Variants in MYO18A observed in about 807,000 individuals in gnomAD.
The protein encoded by MYO18A is myosin XVIIIA.
MYO18A carries 78 observed loss-of-function variants against 235.8 expected under a neutral mutation model. The observed-to-expected ratio is 0.33, with a 90% confidence interval of 0.28 to 0.40. The LOEUF is 0.40. MYO18A is among the 10% of genes least tolerant of loss of function. The pLI is 1.00. For synonymous variants in MYO18A, 977 were observed against 1,077.8 expected (o/e 0.91, Z 1.83); for missense variants, 2,215 against 2,699.3 (o/e 0.82, Z 3.98).
At chr17:29,154,763 T>C (rs955844901) in intron 2 of MYO18A, among the ~76,000 whole-genome samples, 2 of 152,200 alleles carry the variant, frequency 1.3e-5, no homozygotes, top group Non-Finnish European at 2.9e-5. Context: ...TCCCACAGCC[T>C]GGACAGCTCT....
chr17:29,128,255 G>A (rs1003097896), intron 2 of MYO18A: 8 of 1,169,050 alleles, frequency 6.8e-6, no homozygotes, highest in East Asian at 7.4e-5. Flanking sequence ...CTTGCTTCGA[G>A]TCGGGTGCTC....
At chr17:29,099,090 C>T (rs375236807) in intron 22 of MYO18A, 121 bp from the exon 23 acceptor site, 174 of 1,243,308 alleles carry the variant, frequency 1.4e-4, no homozygotes, top group South Asian at 8.7e-4. Context: ...CCCCTGACCC[C>T]GAGTCAGATA....
At chr17:29,150,118 C>G (rs759163391) in intron 2 of MYO18A, among the ~76,000 whole-genome samples, 2 of 152,226 alleles carry the variant, frequency 1.3e-5, no homozygotes, top group Non-Finnish European at 2.9e-5. Context: ...AGAAGTTCTT[C>G]TAGACAAGCC....
chr17:29,140,195 G>C lies in MYO18A; in HGVS notation c.1000-17942C>G. The C allele has an allele frequency of 2.4e-6, 1 of 411,518 alleles. No individual in the cohort carries two copies. The highest frequency in any genetic ancestry group is 3.8e-6 in the Non-Finnish European group (1 of 261,498). The allele number at this position is 411,518 out of a possible 1,614,324, so 25.5% of individuals were successfully genotyped here. On this transcript the variant is annotated intron_variant, in intron 2 of 41. Coordinates refer to ENST00000527372, the MANE Select transcript of MYO18A (RefSeq NM_078471.4). This position sits in a 1 kb window ranked among gnomAD's most constrained non-coding sequence, Gnocchi z 4.2. ...CCCTTCTTACCAAGAAGCTCGGAGA[G>C]GAGCCCCAAGGCTGCCCCACCCCTC...
Position 29,165,985 on chromosome 17 carries a change from C to G in MYO18A, c.956G>C (p.Ser319Thr). The change falls in exon 2 of 42, where the codon AGC (serine) becomes ACC (threonine). Residue 319 changes from serine (S) to threonine (T), a missense_variant. Physicochemically the swap from Ser to Thr is moderately conservative, Grantham distance 58. Coordinates refer to ENST00000527372, the MANE Select transcript of MYO18A (RefSeq NM_078471.4). ...AGGTCCCTCGCCGCTCCGCAGCCAG[C>G]TCCTGCTGAGCTCGCTGAGCTCTGG... ...PIPELSELSR[S>T]WLRSGEGPRR... 3.1e-6 allele frequency: 5 copies of G among 1,613,580 alleles called. No homozygotes were observed. Among genetic ancestry groups the G allele is most frequent in the Non-Finnish European group, 4.2e-6 (5 of 1,179,888 alleles).
At position 29,111,344 on chromosome 17, in the gene MYO18A, A is replaced by G. The variant is rs965299458; in HGVS notation, c.2900+80T>C. 9 of 1,512,274 alleles carry G rather than the reference A, an allele frequency of 6.0e-6. No individual in the cohort carries two copies. Among genetic ancestry groups the G allele is most frequent in the African/African-American group, 1.4e-5 (1 of 72,986 alleles). 93.7% of individuals were successfully genotyped at this position (1,512,274 alleles called of 1,614,324 possible). A position where few individuals can be genotyped will look rare whatever the true frequency, so the allele number is the denominator to read the frequency against. On this transcript the variant is annotated intron_variant, in intron 17 of 41. Transcript: ENST00000527372. This position sits in a 1 kb window ranked among gnomAD's most constrained non-coding sequence, Gnocchi z 5.1. Reference sequence around the variant, plus strand: ...TACTTTGCTAGTGAGGGGGCCTCTGAGACAACCCCAGGGGGAGGGAGCCCC... The same window carrying G: ...TACTTTGCTAGTGAGGGGGCCTCTGGGACAACCCCAGGGGGAGGGAGCCCC...
chr17:29,118,303 C>A lies in MYO18A; in HGVS notation c.1893+74G>T. ...CAGCTGGAGCTGGGCTCCCACTATTCCCACAGGACCCATGGAGGCTTCTCC... is the reference window on the plus strand; with the variant it reads ...CAGCTGGAGCTGGGCTCCCACTATTACCACAGGACCCATGGAGGCTTCTCC... On this transcript the variant is annotated intron_variant, in intron 9 of 41. Coordinates refer to ENST00000527372, the MANE Select transcript of MYO18A (RefSeq NM_078471.4). The surrounding 1 kb of genome is among the most constrained non-coding windows in gnomAD (Gnocchi z 4.2). 1 of 1,560,120 alleles carries A rather than the reference C, an allele frequency of 6.4e-7. No homozygotes were observed.
chr17:29,166,446 T>C lies in MYO18A; in HGVS notation c.495A>G (p.Pro165=), dbSNP rs766199385. ...TPSEHSAAPS[P]QVEVRTLEGQ... is the part of the protein sequence containing the mutation. Reference sequence around the variant, plus strand: ...CCTCTAGAGTCCTCACCTCCACCTGTGGCGAGGGGGCGGCAGAGTGCTCTG... The same window carrying C: ...CCTCTAGAGTCCTCACCTCCACCTGCGGCGAGGGGGCGGCAGAGTGCTCTG... Residue 165 remains proline (P), a synonymous_variant, in exon 2 of 42, where the codon CCA becomes CCG. Coordinates refer to ENST00000527372, the MANE Select transcript of MYO18A (RefSeq NM_078471.4). The C allele has an allele frequency of 6.2e-7, 1 of 1,613,724 alleles. No homozygotes were observed. Among genetic ancestry groups the C allele is most frequent in the Non-Finnish European group, 8.5e-7 (1 of 1,179,862 alleles).
intron 11 of MYO18A, 101 bp downstream of exon 11, chr17:29,116,343 G>A: frequency 6.9e-7 from 1 of 1,459,418 alleles, no homozygotes; most frequent in Non-Finnish European, 9.6e-7. Context: ...AGGCAAAAAA[G>A]CCACAGGGGA....
At chr17:29,082,485 T>A in intron 40 of MYO18A, 47 bp from the exon 41 acceptor site, 1 of 1,588,434 alleles carries the variant, frequency 6.3e-7, no homozygotes. Flanking sequence ...AGGCACCTGC[T>A]GCCCACGAGG....
At chr17:29,138,448 G>C (rs1391581556) in intron 2 of MYO18A, among the ~76,000 whole-genome samples, 5 of 152,306 alleles carry the variant, frequency 3.3e-5, no homozygotes, top group Non-Finnish European at 7.3e-5. Flanking sequence ...CAGCTCCCAG[G>C]AGACTTCTTC....
chr17:29,114,914 T>C lies in MYO18A; in HGVS notation c.2504A>G (p.Tyr835Cys). Residue 835 changes from tyrosine (Y) to cysteine (C), a missense_variant, in exon 14 of 42, where the codon TAC becomes TGC. Tyr to Cys is a radical substitution (Grantham distance 194). Coordinates refer to ENST00000527372, the MANE Select transcript of MYO18A (RefSeq NM_078471.4). ...ERTFVQELER[Y>C]KEENIELAFD... Reference sequence around the variant, plus strand: ...CCCAGGCCCCAGAGCTACCTCCTTGTATCTTTCCAACTCCTGCACGAAGGT... The same window carrying C: ...CCCAGGCCCCAGAGCTACCTCCTTGCATCTTTCCAACTCCTGCACGAAGGT... 1 of 1,613,502 alleles carries C rather than the reference T, an allele frequency of 6.2e-7. No homozygotes were observed. The highest frequency in any genetic ancestry group is 8.5e-7 in the Non-Finnish European group (1 of 1,179,588).
At chr17:29,149,408 G>C (rs970692503) in intron 2 of MYO18A, among the ~76,000 whole-genome samples, 3 of 152,244 alleles carry the variant, frequency 2.0e-5, no homozygotes, top group African/African-American at 7.2e-5. Context: ...AGGAAGGTCA[G>C]TGGGTATGGG....
At position 29,111,513 on chromosome 17, in the gene MYO18A, C is replaced by A; in HGVS notation, c.2811G>T (p.Trp937Cys). Residue 937 changes from tryptophan (W) to cysteine (C), a missense_variant, in exon 17 of 42, where the codon TGG becomes TGT. Transcript: ENST00000527372. The surrounding 1 kb of genome is among the most constrained non-coding windows in gnomAD (Gnocchi z 5.1). Reference protein sequence around the residue: ...FLLGHSHGTNWVEYNVTGWLN... With the variant: ...FLLGHSHGTNCVEYNVTGWLN... ...GCCAGCCAGTCACATTGTACTCTAC[C>A]CAGTTGGTGCCATGGCTGTGGCCCA... is the stretch of plus-strand genomic sequence containing the variant. The A allele has an allele frequency of 7.4e-6, 12 of 1,613,438 alleles. No individual in the cohort carries two copies. The highest frequency in any genetic ancestry group is 1.0e-5 in the Non-Finnish European group (12 of 1,179,706).
Position 29,118,404 on chromosome 17 carries a change from A to G in MYO18A, c.1866T>C (p.Asn622=), listed in dbSNP as rs2067123831. The G allele has an allele frequency of 1.2e-6, 2 of 1,607,070 alleles. No homozygotes were observed. The highest frequency in any genetic ancestry group is 1.7e-6 in the Non-Finnish European group (2 of 1,174,778). ...ELHLNHLAEN[N]VFGIVPLAKP... ...TGGCCAGTGGCACAATCCCAAACAC[A>G]TTGTTCTCTGCCAAGTGGTTGAGGT... Residue 622 remains asparagine (N), a synonymous_variant, in exon 9 of 42, where the codon AAT becomes AAC. Transcript: ENST00000527372. The surrounding 1 kb of genome is among the most constrained non-coding windows in gnomAD (Gnocchi z 4.2).
At chr17:29,085,488 G>T in intron 40 of MYO18A, 116 bp downstream of exon 40, 1 of 863,606 alleles carries the variant, frequency 1.2e-6, no homozygotes, top group Non-Finnish European at 1.9e-6. Context: ...TGAGGCGGGA[G>T]TGTGGGGAGG....
rs1312078935 is a variant in MYO18A at position 29,116,547 on chromosome 17, T to TG, written c.2039-93dup. ...AGAGCTCGCCGCCTCGGAGGGACCG[T>TG]GGGGCGGGGGTGTTGTGAGGATGAG... is the stretch of plus-strand genomic sequence containing the variant. On this transcript the variant is annotated intron_variant, in intron 10 of 41. Transcript: ENST00000527372. 1.1e-5 allele frequency: 16 copies of TG among 1,511,958 alleles called. No individual in the cohort carries two copies. The Admixed American group carries it at 1.3e-4, about 13-fold the overall frequency. The allele number at this position is 1,511,958 out of a possible 1,614,324, so 93.7% of individuals were successfully genotyped here.
In MYO18A at chr17:29,107,069, C is replaced by T. The variant is rs776971193; in HGVS notation, c.3441+11G>A. 1.7e-5 allele frequency: 27 copies of T among 1,613,302 alleles called. No individual in the cohort carries two copies. The Middle Eastern group carries it at 4.9e-4, about 29-fold the overall frequency. ...GGGCAGAGGGAGAGCGGTCTGGGGA[C>T]CTGGACCTACCCGCCTTTCATCCAC... On this transcript the variant is annotated intron_variant, in intron 20 of 41. Coordinates refer to ENST00000527372, the MANE Select transcript of MYO18A (RefSeq NM_078471.4).
At chr17:29,110,305 C>A in intron 18 of MYO18A, 131 bp downstream of exon 18, 1 of 1,282,352 alleles carries the variant, frequency 7.8e-7, no homozygotes, top group South Asian at 1.5e-5. Context: ...CCCCCACCTG[C>A]AGCCATTGAG....
Sources: allele counts gnomAD v4.1 joint callset (sites outside exome capture counted in the v4.1 genomes callset), GRCh38; gene constraint gnomAD v4.1.1; non-coding constraint Gnocchi (gnomAD v3.1); transcripts MANE v1.5; gene names NCBI Gene and HGNC (gene_info 2026-07-23, HGNC 2026-07-21).